The following PRKCG variants were observed in gnomAD, a reference collection of about 807,000 sequenced individuals.
PRKCG encodes the protein protein kinase C gamma.
PRKCG carries 28 observed loss-of-function variants against 82.0 expected under a neutral mutation model. The ratio of observed to expected loss-of-function variants is 0.34; its 90% CI spans 0.25 to 0.47. The LOEUF (loss-of-function observed/expected upper bound fraction) is 0.47, where lower values mean the gene tolerates loss of function less well. Ranked by LOEUF, PRKCG falls within the 20% of genes least tolerant of loss-of-function variation. The pLI is 1.00. For synonymous variants in PRKCG, 383 were observed against 376.6 expected (o/e 1.02, Z -0.20); for missense variants, 640 against 952.7 (o/e 0.67, Z 4.32).
intron 16 of PRKCG, among the ~76,000 whole-genome samples, chr19:53,905,155 G>A (rs2068792388): frequency 1.3e-5 from 2 of 152,146 alleles, no homozygotes; most frequent in African/African-American, 4.8e-5. Flanking sequence ...CTGGCCCATA[G>A]CAGATTTTCA....
intron 9 of PRKCG, among the ~76,000 whole-genome samples, chr19:53,896,498 C>T (rs939127145): frequency 2.0e-5 from 3 of 152,042 alleles, no homozygotes; most frequent in Non-Finnish European, 4.4e-5. Context: ...CAGCTCACTG[C>T]AACCTCTGCC....
At chr19:53,887,727 G>T (rs917309272) in intron 3 of PRKCG, among the ~76,000 whole-genome samples, 3 of 151,002 alleles carry the variant, frequency 2.0e-5, no homozygotes, top group African/African-American at 7.3e-5. Context: ...CTACTCGGGA[G>T]GCTGAGGCAG....
At chr19:53,906,210 G>A (rs1247666944) in intron 16 of PRKCG, 107 bp from the exon 17 acceptor site, 1 of 1,430,644 alleles carries the variant, frequency 7.0e-7, no homozygotes, top group Non-Finnish European at 9.6e-7. Context: ...TCTCATGCCT[G>A]TGTCTCTTGG....
chr19:53,889,554 G>T lies in PRKCG; in HGVS notation c.286-84G>T, dbSNP rs2068655592. 2.0e-6 allele frequency: 2 copies of T among 987,632 alleles called. No homozygotes were observed. Among genetic ancestry groups the T allele is most frequent in the South Asian group, 1.3e-5 (1 of 74,914 alleles). The allele number at this position is 987,632 out of a possible 1,614,324, so 61.2% of individuals were successfully genotyped here. A position where few individuals can be genotyped will look rare whatever the true frequency, so the allele number is the denominator to read the frequency against. On this transcript the variant is annotated intron_variant, in intron 3 of 17. Transcript: ENST00000263431. The surrounding 1 kb of genome is among the most constrained non-coding windows in gnomAD (Gnocchi z 4.4). ...GCCTCAGGCTGACCTAGAGAGCAAG[G>T]CAGGAGGAAAAGATAAAAGGGCCCC...
chr19:53,892,632 C>T lies in PRKCG; in HGVS notation c.810C>T (p.Pro270=), dbSNP rs146407477. The T allele has an allele frequency of 1.4e-4, 219 of 1,611,702 alleles. No individual in the cohort carries two copies. The African/African-American group carries it at 2.1e-3, about 15-fold the overall frequency. The change falls in exon 7 of 18, where the codon CCC becomes CCT. Residue 270 remains proline, a synonymous_variant. Transcript: ENST00000263431. The surrounding 1 kb of genome is among the most constrained non-coding windows in gnomAD (Gnocchi z 5.9). ...SFGVSELLKA[P]VDGWYKLLNQ... ...GCGTCTCGGAGCTGCTCAAGGCGCCCGTGGATGGCTGGTGAGGAGCAGGGC... is the reference window on the plus strand; with the variant it reads ...GCGTCTCGGAGCTGCTCAAGGCGCCTGTGGATGGCTGGTGAGGAGCAGGGC...
chr19:53,889,101 C>T lies in PRKCG; in HGVS notation c.286-537C>T, dbSNP rs149893097. 1.1e-3 allele frequency among the ~76,000 whole-genome samples: 172 copies of T among 152,210 alleles called. 1 individual carries two copies. The highest frequency in any genetic ancestry group is 0.01 in the Middle Eastern group (3 of 294). ...CTGAGTAGCTGGGATTACAGGCATGCACCACCATGTCCGGCTAATTTTTGT... is the reference window on the plus strand; with the variant it reads ...CTGAGTAGCTGGGATTACAGGCATGTACCACCATGTCCGGCTAATTTTTGT... On this transcript the variant is annotated intron_variant, in intron 3 of 17. Transcript: ENST00000263431. The surrounding 1 kb of genome is among the most constrained non-coding windows in gnomAD (Gnocchi z 4.4).
Position 53,889,559 on chromosome 19 carries a change from A to T in PRKCG, c.286-79A>T. 1 of 1,029,488 alleles carries T rather than the reference A, an allele frequency of 9.7e-7. No homozygotes were observed. The highest frequency in any genetic ancestry group is 1.5e-6 in the Non-Finnish European group (1 of 660,366). The allele number at this position is 1,029,488 out of a possible 1,614,324, so 63.8% of individuals were successfully genotyped here. On this transcript the variant is annotated intron_variant, in intron 3 of 17. Transcript: ENST00000263431. This position sits in a 1 kb window ranked among gnomAD's most constrained non-coding sequence, Gnocchi z 4.4. ...AGGCTGACCTAGAGAGCAAGGCAGG[A>T]GGAAAAGATAAAAGGGCCCCTCCCC...
In PRKCG at chr19:53,883,058, G is replaced by A. The variant is rs937014580; in HGVS notation, c.171-105G>A. On this transcript the variant is annotated intron_variant, in intron 1 of 17. Coordinates refer to ENST00000263431, the MANE Select transcript of PRKCG (RefSeq NM_002739.5). This position sits in a 1 kb window ranked among gnomAD's most constrained non-coding sequence, Gnocchi z 5.4. ...AGGTGGCCGGGGCTTGGACACCTGG[G>A]CCCTGCGGGAGGAGGGTCAGAGAGC... 6.2e-6 allele frequency: 9 copies of A among 1,447,160 alleles called. No homozygotes were observed. In the South Asian group the frequency reaches 8.0e-5, roughly 13 times the overall value. 89.6% of individuals were successfully genotyped at this position (1,447,160 alleles called of 1,614,324 possible).
In PRKCG at chr19:53,891,657, C is replaced by T; in HGVS notation, c.530-17C>T. ...TGGATCTCTAACCCGTCACACTCTT[C>T]CTCACTCCCCGTTTAGTTGGCGAGG... is the stretch of plus-strand genomic sequence containing the variant. On this transcript the variant is annotated splice_polypyrimidine_tract_variant and intron_variant, in intron 5 of 17. Transcript: ENST00000263431. 2 of 1,613,494 alleles carry T rather than the reference C, an allele frequency of 1.2e-6. No homozygotes were observed. Among genetic ancestry groups the T allele is most frequent in the Non-Finnish European group, 1.7e-6 (2 of 1,179,624 alleles).
Position 53,889,467 on chromosome 19 carries a change from A to T in PRKCG, c.286-171A>T, listed in dbSNP as rs376652797. The stretch of plus-strand genomic sequence containing the variant: ...TTTAATGCTGGGTCCCCACACCAAG[A>T]ACAGTCCCTGGCACACAGCAGGTGC... On this transcript the variant is annotated intron_variant, in intron 3 of 17. Transcript: ENST00000263431. The surrounding 1 kb of genome is among the most constrained non-coding windows in gnomAD (Gnocchi z 4.4). Among the ~76,000 whole-genome samples, 27 of 152,122 alleles carry T rather than the reference A, an allele frequency of 1.8e-4. No individual in the cohort carries two copies. The East Asian group carries it at 3.7e-3, about 21-fold the overall frequency.
rs182224483 is a variant in PRKCG at position 53,887,587 on chromosome 19, T to G, written c.286-2051T>G. ...GGCTCATGCCTGTAATCCCAGCTCTTTGGGAGGCTGAGGCAAGCGGATCAC... is the reference window on the plus strand; with the variant it reads ...GGCTCATGCCTGTAATCCCAGCTCTGTGGGAGGCTGAGGCAAGCGGATCAC... On this transcript the variant is annotated intron_variant, in intron 3 of 17. Coordinates refer to ENST00000263431, the MANE Select transcript of PRKCG (RefSeq NM_002739.5). Among the ~76,000 whole-genome samples the G allele has an allele frequency of 1.4e-4, 20 of 143,760 alleles. No individual in the cohort carries two copies. In the East Asian group the frequency reaches 4.2e-3, roughly 30 times the overall value. The allele number at this position is 143,760 out of a possible 152,430, so 94.3% of individuals were successfully genotyped here.
intron 16 of PRKCG, 92 bp from the exon 17 acceptor site, chr19:53,906,225 T>G: frequency 6.6e-7 from 1 of 1,509,174 alleles, no homozygotes; most frequent in East Asian, 2.5e-5. Flanking sequence ...TCTTGGTTCC[T>G]CCATCTGCCT....
chr19:53,905,596 ACCCTCTGAATTTCTATTTC>A (rs1377359232), intron 16 of PRKCG, among the ~76,000 whole-genome samples: 1 of 147,080 alleles, frequency 6.8e-6, no homozygotes, highest in African/African-American at 2.5e-5. Context: ...TCTCTGTACC[ACCCTCTGAATTTCTATTTC>A]CCCTTTTCTC....
At chr19:53,887,631 C>G (rs1255046968) in intron 3 of PRKCG, among the ~76,000 whole-genome samples, 1 of 147,572 alleles carries the variant, frequency 6.8e-6, no homozygotes, top group Non-Finnish European at 1.5e-5. Context: ...GAGATCCAAA[C>G]CATCCTGGCT....
At chr19:53,899,496 C>A (rs1185056390) in intron 11 of PRKCG, among the ~76,000 whole-genome samples, 1 of 152,010 alleles carries the variant, frequency 6.6e-6, no homozygotes, top group Non-Finnish European at 1.5e-5. Context: ...TCAGAACCTG[C>A]AAGATTTTAA....
intron 16 of PRKCG, among the ~76,000 whole-genome samples, chr19:53,905,931 T>TCTCTCTCA (rs2068799688): frequency 7.0e-6 from 1 of 142,874 alleles, no homozygotes; most frequent in Non-Finnish European, 1.5e-5. Flanking sequence ...TCTCTCTCTC[T>TCTCTCTCA]CTCACTCACT....
rs760022048 is a variant in PRKCG, at chr19:53,882,405, C to T, written c.-90C>T. 6.5e-7 allele frequency: 1 copy of T among 1,547,978 alleles called. No homozygotes were observed. Among genetic ancestry groups the T allele is most frequent in the South Asian group, 1.2e-5 (1 of 83,984 alleles). On this transcript the variant is annotated 5_prime_UTR_variant, in exon 1 of 18. Transcript: ENST00000263431. This position sits in a 1 kb window ranked among gnomAD's most constrained non-coding sequence, Gnocchi z 6.1. ...CCACCTCGGAATTTCCCTGTGGCTC[C>T]TTTGATCCTTCGAGTCTCCAGCTCC...
intron 16 of PRKCG, 59 bp downstream of exon 16, chr19:53,904,801 C>T (rs990717279): frequency 7.2e-7 from 1 of 1,383,610 alleles, no homozygotes; most frequent in Non-Finnish European, 1.0e-6. Context: ...CCATTGCTGT[C>T]TCTGTGCCTA....
chr19:53,898,315 G>T lies in PRKCG; in HGVS notation c.1093-125G>T, dbSNP rs910037928. 1.2e-5 allele frequency: 16 copies of T among 1,385,038 alleles called. No homozygotes were observed. The African/African-American group carries it at 2.3e-4, about 20-fold the overall frequency. 85.8% of individuals were successfully genotyped at this position (1,385,038 alleles called of 1,614,324 possible). A position where few individuals can be genotyped will look rare whatever the true frequency, so the allele number is the denominator to read the frequency against. ...AGGGGACGGGCGGCAAGTCAGGGCT[G>T]TCAGTCCCTTAAGAGATGGAGGAAG... On this transcript the variant is annotated intron_variant, in intron 10 of 17. Coordinates refer to ENST00000263431, the MANE Select transcript of PRKCG (RefSeq NM_002739.5).
Sources: allele counts gnomAD v4.1 joint callset (sites outside exome capture counted in the v4.1 genomes callset), GRCh38; gene constraint gnomAD v4.1.1; non-coding constraint Gnocchi (gnomAD v3.1); transcripts MANE v1.5; gene names NCBI Gene and HGNC (gene_info 2026-07-23, HGNC 2026-07-21).